Variants in PALMD observed in about 807,000 individuals in gnomAD.
PALMD encodes palmdelphin.
In PALMD, 42 loss-of-function variants were observed where a neutral mutation model predicts 56.2. The observed-to-expected ratio is 0.75, with a 90% CI of 0.58 to 0.97. The LOEUF (loss-of-function observed/expected upper bound fraction) is 0.97. PALMD is among the 50% of genes least tolerant of loss of function. The probability of loss-of-function intolerance (pLI) is 0.00; values close to 1 mark genes in which losing one functional copy is unlikely to be tolerated. For synonymous variants in PALMD, 242 were observed against 222.9 expected, an observed-to-expected ratio of 1.09 and a Z score of -0.76; for missense variants, 660 against 643.8, an observed-to-expected ratio of 1.03 and a Z score of -0.27.
At chr1:99,654,728 T>C (rs1265572536) in intron 1 of PALMD, among the ~76,000 whole-genome samples, 1 of 152,160 alleles carries the variant, frequency 6.6e-6, no homozygotes, top group Non-Finnish European at 1.5e-5. Flanking sequence ...TCTGATTATC[T>C]CTGGATAGTG....
In PALMD at chr1:99,657,813, C is replaced by T. The variant is rs1231101020; in HGVS notation, c.46-4506C>T. ...TCCCACATTTTTTAGAATTTGTTCA[C>T]ATCAAGCCCTTGACTTGAATGCCCT... On this transcript the variant is annotated intron_variant, in intron 1 of 7. Transcript: ENST00000263174. Among the ~76,000 whole-genome samples the T allele has an allele frequency of 2.6e-5, 4 of 152,156 alleles. No individual in the cohort carries two copies. The South Asian group carries it at 8.3e-4, about 32-fold the overall frequency.
In PALMD at chr1:99,662,331, A is replaced by C; in HGVS notation, c.58A>C (p.Ile20Leu). The C allele has an allele frequency of 3.9e-6, 6 of 1,546,186 alleles. No individual in the cohort carries two copies. The Middle Eastern group carries it at 6.9e-4, about 178-fold the overall frequency. Residue 20 changes from isoleucine to leucine, a missense_variant, in exon 2 of 8, where the codon ATA becomes CTA. By Grantham distance (5) the Ile-to-Leu change is conservative (BLOSUM62 2). Transcript: ENST00000263174. Reference sequence around the variant, plus strand: ...TTTTTTATTTCAGGATAAAAGAAAAATACAGGAAGAAATCTCACAGAAGCG... The same window carrying C: ...TTTTTTATTTCAGGATAAAAGAAAACTACAGGAAGAAATCTCACAGAAGCG... ...RLQAITDKRK[I>L]QEEISQKRLK...
Position 99,689,593 on chromosome 1 carries a change from G to A in PALMD, c.1333G>A (p.Val445Ile). The change falls in exon 7 of 8, where the codon GTT becomes ATT. Residue 445 changes from valine (V) to isoleucine (I), a missense_variant. Coordinates refer to ENST00000263174, the MANE Select transcript of PALMD (RefSeq NM_017734.5). ...GYDGIIHAEL[V>I]VIDDEEEEDE... ...TGATGGGATCATCCATGCTGAGCTG[G>A]TTGTGATTGATGATGAGGAGGAGGA... is the stretch of plus-strand genomic sequence containing the variant. 1 of 1,613,848 alleles carries A rather than the reference G, an allele frequency of 6.2e-7. No homozygotes were observed. Among genetic ancestry groups the A allele is most frequent in the Non-Finnish European group, 8.5e-7 (1 of 1,179,872 alleles).
chr1:99,677,046 G>A (rs12063715), intron 3 of PALMD, among the ~76,000 whole-genome samples: 5,577 of 152,128 alleles, frequency 0.037, 284 homozygotes, highest in African/African-American at 0.12. Flanking sequence ...ATTTAAAAAA[G>A]TAAAAAGACC....
intron 2 of PALMD, among the ~76,000 whole-genome samples, chr1:99,667,347 G>C (rs1473961962): frequency 6.6e-6 from 1 of 152,162 alleles, no homozygotes; most frequent in East Asian, 1.9e-4. Context: ...GACAGAAAGT[G>C]AGGGTCAGGA....
intron 1 of PALMD, among the ~76,000 whole-genome samples, chr1:99,658,895 A>G (rs1429430627): frequency 3.3e-5 from 5 of 152,016 alleles, no homozygotes; most frequent in Admixed American, 3.3e-4. Flanking sequence ...TCAGTGAGCT[A>G]TGATTATGCC....
At chr1:99,685,314 C>A (rs1036126863) in intron 3 of PALMD, 1 of 152,146 alleles carries the variant, frequency 6.6e-6, no homozygotes, top group Non-Finnish European at 1.5e-5. Flanking sequence ...ACTTTTAGTG[C>A]AGAGCTTTCC....
chr1:99,680,937 G>A (rs1254448446), intron 3 of PALMD, among the ~76,000 whole-genome samples: 2 of 151,796 alleles, frequency 1.3e-5, no homozygotes, highest in Non-Finnish European at 2.9e-5. Context: ...ACAAAAAATT[G>A]CATGTTGGAA....
At chr1:99,693,977 G>C in intron 7 of PALMD, 42 bp from the exon 8 acceptor site, 2 of 1,441,002 alleles carry the variant, frequency 1.4e-6, no homozygotes, top group Non-Finnish European at 1.9e-6. Flanking sequence ...TAAAAATTGA[G>C]GATTTTTTTT....
At position 99,691,108 on chromosome 1, in the gene PALMD, T is replaced by A. The variant is rs534972540; in HGVS notation, c.1612+1236T>A. Among the ~76,000 whole-genome samples the A allele has an allele frequency of 3.3e-5, 5 of 152,290 alleles. No homozygotes were observed. The South Asian group carries it at 1.0e-3, about 32-fold the overall frequency. ...CAGAGTTGAGTGATATGTCTCACAA[T>A]GGAAAGTTGCAGATACTAAGTTTCT... On this transcript the variant is annotated intron_variant, in intron 7 of 7. Coordinates refer to ENST00000263174, the MANE Select transcript of PALMD (RefSeq NM_017734.5).
At chr1:99,648,972 G>A (rs544533074) in intron 1 of PALMD, among the ~76,000 whole-genome samples, 34 of 150,874 alleles carry the variant, frequency 2.3e-4, no homozygotes, top group African/African-American at 7.8e-4. Context: ...AATTACTATC[G>A]TGATGCCATT....
chr1:99,647,165 T>C (rs1210137352), intron 1 of PALMD, among the ~76,000 whole-genome samples: 1 of 152,246 alleles, frequency 6.6e-6, no homozygotes, highest in African/African-American at 2.4e-5. Context: ...GAAATCTGTG[T>C]CACAATCATT....
intron 1 of PALMD, among the ~76,000 whole-genome samples, chr1:99,654,920 A>C (rs1323022951): frequency 6.6e-6 from 1 of 152,146 alleles, no homozygotes; most frequent in Non-Finnish European, 1.5e-5. Flanking sequence ...AAATGATTCC[A>C]AAGTCCAACT....
chr1:99,652,694 G>GGAAAGGAAAGGAAAGGAAAA (rs1553166835), intron 1 of PALMD, among the ~76,000 whole-genome samples: 14 of 86,388 alleles, frequency 1.6e-4, no homozygotes, highest in African/African-American at 5.3e-4. Context: ...GGAAAGGAAA[G>GGAAAGGAAAGGAAAGGAAAA]GAAAAGAAAA....
intron 3 of PALMD, among the ~76,000 whole-genome samples, chr1:99,670,099 T>C (rs573766047): frequency 6.6e-6 from 1 of 152,312 alleles, no homozygotes; most frequent in South Asian, 2.1e-4. Flanking sequence ...TGAAGTGTGT[T>C]CTGTCCCTTT....
chr1:99,649,641 C>T (rs947676897), intron 1 of PALMD, among the ~76,000 whole-genome samples: 1 of 152,106 alleles, frequency 6.6e-6, no homozygotes, highest in Non-Finnish European at 1.5e-5. Flanking sequence ...AGTAACATTC[C>T]GTATACTCTT....
chr1:99,677,077 C>T (rs1250936406), intron 3 of PALMD, among the ~76,000 whole-genome samples: 1 of 151,848 alleles, frequency 6.6e-6, no homozygotes, highest in African/African-American at 2.4e-5. Flanking sequence ...CACTGCAAAC[C>T]TTAACCATTC....
rs566339905 is a variant in PALMD at position 99,667,918 on chromosome 1, A to G, written c.251+152A>G. 7 of 670,240 alleles carry G rather than the reference A, an allele frequency of 1.0e-5. No individual in the cohort carries two copies. The East Asian group carries it at 1.7e-4, about 17-fold the overall frequency. The allele number at this position is 670,240 out of a possible 1,614,324, so 41.5% of individuals were successfully genotyped here. ...TTTTAAGGCACGCTTTCACACTGTC[A>G]CCCAGGCTGGAGTGCAGTGACATGA... On this transcript the variant is annotated intron_variant, in intron 3 of 7. Transcript: ENST00000263174.
intron 7 of PALMD, 120 bp downstream of exon 7, chr1:99,689,992 T>G (rs1331556065): frequency 9.8e-6 from 8 of 816,008 alleles, no homozygotes; most frequent in South Asian, 5.9e-5. Context: ...GCACTGAGAT[T>G]TTTTTATTAA....
Sources: allele counts gnomAD v4.1 joint callset (sites outside exome capture counted in the v4.1 genomes callset), GRCh38; gene constraint gnomAD v4.1.1; transcripts MANE v1.5; gene names NCBI Gene and HGNC (gene_info 2026-07-23, HGNC 2026-07-21).